The following PTCHD4 variants were observed in gnomAD, a reference collection of about 807,000 sequenced individuals.
The protein encoded by PTCHD4 is patched domain containing 4.
Under a neutral mutation model 58.1 loss-of-function variants are expected in PTCHD4, and 33 were observed. The ratio of observed to expected loss-of-function variants is 0.57; its 90% CI spans 0.43 to 0.76. The LOEUF is 0.76. Ranked by LOEUF, PTCHD4 falls within the 30% of genes least tolerant of loss-of-function variation. The pLI, the probability that PTCHD4 is intolerant of heterozygous loss-of-function variation, is 0.00. For synonymous variants in PTCHD4, 478 were observed against 409.6 expected (o/e 1.17, Z -2.02); for missense variants, 1,058 against 1,027.1 (o/e 1.03, Z -0.41).
chr6:47,899,549 T>C, intron 4 of PTCHD4: 1 of 979,536 alleles, frequency 1.0e-6, no homozygotes, highest in Non-Finnish European at 1.2e-6. Flanking sequence ...ACTTTGCATG[T>C]TATCCTAATA....
At chr6:47,938,749 T>C (rs770547567) in intron 4 of PTCHD4, among the ~76,000 whole-genome samples, 22 of 152,322 alleles carry the variant, frequency 1.4e-4, no homozygotes, top group Admixed American at 3.3e-4. Flanking sequence ...GCAGGCAGAA[T>C]TAGATTTAAC....
intron 4 of PTCHD4, among the ~76,000 whole-genome samples, chr6:47,961,491 A>T (rs1207152688): frequency 6.6e-6 from 1 of 151,850 alleles, no homozygotes; most frequent in Non-Finnish European, 1.5e-5. Context: ...ACAGAGTTTC[A>T]CCACGTTGGC....
intron 4 of PTCHD4, among the ~76,000 whole-genome samples, chr6:47,957,708 C>G (rs1274258227): frequency 6.6e-6 from 1 of 151,498 alleles, no homozygotes; most frequent in Non-Finnish European, 1.5e-5. Context: ...TCACGCCATT[C>G]TTCTGCCTCA....
At chr6:48,014,002 T>A (rs1400716340) in intron 3 of PTCHD4, among the ~76,000 whole-genome samples, 2 of 152,110 alleles carry the variant, frequency 1.3e-5, no homozygotes, top group African/African-American at 2.4e-5. Flanking sequence ...AGCTGCTAAC[T>A]CCTCTGTTGA....
chr6:47,889,916 C>G (rs1764322901), intron 4 of PTCHD4, among the ~76,000 whole-genome samples: 1 of 152,014 alleles, frequency 6.6e-6, no homozygotes, highest in Non-Finnish European at 1.5e-5. Context: ...AGTGAACAGG[C>G]AGCCTATAAA....
intron 1 of PTCHD4, among the ~76,000 whole-genome samples, chr6:48,079,751 CCT>C (rs1251235426): frequency 1.3e-4 from 19 of 151,832 alleles, no homozygotes; most frequent in Admixed American, 4.6e-4. Flanking sequence ...GCTATTATTG[CCT>C]ATACCTGGGG....
intron 4 of PTCHD4, among the ~76,000 whole-genome samples, chr6:47,883,205 T>A (rs1764075382): frequency 6.6e-6 from 1 of 152,094 alleles, no homozygotes. Context: ...AGGAACACAA[T>A]CTTTTTCAAC....
intron 3 of PTCHD4, among the ~76,000 whole-genome samples, chr6:48,051,074 A>G (rs1196682238): frequency 6.6e-6 from 1 of 152,034 alleles, no homozygotes; most frequent in African/African-American, 2.4e-5. Flanking sequence ...AACACACAGC[A>G]AACAACCTTT....
intron 4 of PTCHD4, among the ~76,000 whole-genome samples, chr6:47,943,830 T>C (rs1766322815): frequency 6.6e-6 from 1 of 152,084 alleles, no homozygotes; most frequent in Non-Finnish European, 1.5e-5. Flanking sequence ...TTGAACACAG[T>C]TCCATCTGGC....
In PTCHD4 at chr6:47,876,931, G is replaced by A. The variant is rs6934096; in HGVS notation, c.*1372C>T. Among the ~76,000 whole-genome samples the A allele has an allele frequency of 0.67, 101,104 of 151,726 alleles. 34,185 individuals carry two copies. The highest frequency in any genetic ancestry group is 0.78 in the East Asian group (4,000 of 5,128). On this transcript the variant is annotated 3_prime_UTR_variant, in exon 5 of 5. Coordinates refer to ENST00000339488, the MANE Select transcript of PTCHD4 (RefSeq NM_001384253.1). ...TAATATCCCACCTGTGGAGAGCTGCGATCACCCTAGGAGGTGGGCCAACCG... is the reference window on the plus strand; with the variant it reads ...TAATATCCCACCTGTGGAGAGCTGCAATCACCCTAGGAGGTGGGCCAACCG...
intron 1 of PTCHD4, among the ~76,000 whole-genome samples, chr6:48,091,971 T>C (rs957767826): frequency 9.2e-5 from 14 of 151,514 alleles, no homozygotes; most frequent in African/African-American, 3.4e-4. Context: ...GATGCCCAGA[T>C]TAAGAGTACA....
At chr6:48,001,891 A>T (rs1247015425) in intron 4 of PTCHD4, among the ~76,000 whole-genome samples, 1 of 152,232 alleles carries the variant, frequency 6.6e-6, no homozygotes, top group East Asian at 1.9e-4. Flanking sequence ...AGAATCTACA[A>T]TGAACTCAAA....
intron 4 of PTCHD4, among the ~76,000 whole-genome samples, chr6:47,982,417 T>C (rs576805635): frequency 6.6e-6 from 1 of 152,146 alleles, no homozygotes; most frequent in East Asian, 1.9e-4. Context: ...TTTGTTCATA[T>C]GTGTAAAAAT....
intron 3 of PTCHD4, among the ~76,000 whole-genome samples, chr6:48,039,521 C>A (rs143854887): frequency 6.6e-6 from 1 of 152,008 alleles, no homozygotes; most frequent in Non-Finnish European, 1.5e-5. Context: ...TATGTTTTAA[C>A]CTTGGTGGTG....
intron 4 of PTCHD4, among the ~76,000 whole-genome samples, chr6:47,916,168 A>G (rs1008771360): frequency 1.1e-4 from 16 of 152,076 alleles, no homozygotes; most frequent in South Asian, 4.1e-4. Context: ...GTGGCTCAAG[A>G]TAAGAGGATG....
At chr6:47,967,871 T>G (rs1292563707) in intron 4 of PTCHD4, among the ~76,000 whole-genome samples, 1 of 152,220 alleles carries the variant, frequency 6.6e-6, no homozygotes, top group Non-Finnish European at 1.5e-5. Context: ...AAGGGAATGT[T>G]GTGGCTGGTT....
At chr6:47,997,284 A>C (rs952002797) in intron 4 of PTCHD4, among the ~76,000 whole-genome samples, 1 of 151,784 alleles carries the variant, frequency 6.6e-6, no homozygotes. Flanking sequence ...AGTTTTACCT[A>C]ATTTTGTCCC....
At chr6:48,044,063 T>C (rs1763946664) in intron 3 of PTCHD4, among the ~76,000 whole-genome samples, 1 of 151,894 alleles carries the variant, frequency 6.6e-6, no homozygotes, top group South Asian at 2.1e-4. Flanking sequence ...ATTCTTATTT[T>C]ATGAATTCTT....
intron 4 of PTCHD4, among the ~76,000 whole-genome samples, chr6:47,898,237 C>T (rs114527603): frequency 5.9e-5 from 9 of 152,264 alleles, no homozygotes; most frequent in Middle Eastern, 3.4e-3. Context: ...AGCCACTGCA[C>T]CCAGCCATCA....
Sources: allele counts gnomAD v4.1 joint callset (sites outside exome capture counted in the v4.1 genomes callset), GRCh38; gene constraint gnomAD v4.1.1; transcripts MANE v1.5; gene names NCBI Gene and HGNC (gene_info 2026-07-23, HGNC 2026-07-21).